TSPAN7: variants seen among roughly 807,000 people sequenced by gnomAD.
TSPAN7 encodes the protein tetraspanin-7.
In TSPAN7, 1 loss-of-function variant was observed where a neutral mutation model predicts 17.6. The observed-to-expected ratio is 0.06, with a 90% confidence interval of 0.02 to 0.27. TSPAN7 has a LOEUF of 0.27. Among genes scored for constraint, TSPAN7 ranks in the 10% least tolerant of loss-of-function variants. TSPAN7 has a pLI of 1.00. For synonymous variants in TSPAN7, 78 were observed against 79.0 expected (o/e 0.99, Z 0.07); for missense variants, 112 against 201.7 (o/e 0.56, Z 2.69).
chrX:38,643,665 T>C (rs2069627497), intron 1 of TSPAN7, among the ~76,000 whole-genome samples: 1 of 79,041 alleles, frequency 1.3e-5, no homozygotes, highest in African/African-American at 5.1e-5. Flanking sequence ...TGAAACCCCG[T>C]CTCTACCAAA....
chrX:38,565,925 G>A (rs2069140897), intron 1 of TSPAN7, among the ~76,000 whole-genome samples: 1 of 111,286 alleles, frequency 9.0e-6, no homozygotes, highest in African/African-American at 3.3e-5. Context: ...CCTTTCGTGG[G>A]TAGAGGCCAC....
chrX:38,570,415 A>G (rs1215120773), intron 1 of TSPAN7, among the ~76,000 whole-genome samples: 1 of 111,894 alleles, frequency 8.9e-6, no homozygotes, highest in Non-Finnish European at 1.9e-5. Context: ...CGTTGCTTAG[A>G]AATTAGCTGA....
At chrX:38,562,948 T>A (rs1425762029) in intron 1 of TSPAN7, 1 of 954,496 alleles carries the variant, frequency 1.0e-6, no homozygotes, top group Non-Finnish European at 1.3e-6. Flanking sequence ...CCCACCACCA[T>A]ATATTAGCCC....
intron 6 of TSPAN7, among the ~76,000 whole-genome samples, chrX:38,685,076 T>C (rs1409668841): frequency 8.9e-6 from 1 of 111,858 alleles, no homozygotes; most frequent in Non-Finnish European, 1.9e-5. Context: ...CTCCAGGGTC[T>C]AAATGCTGCT....
chrX:38,563,137 AAGGTATGGACTCCCC>A, intron 1 of TSPAN7: 1 of 965,888 alleles, frequency 1.0e-6, no homozygotes. Context: ...CAAGTCAGGG[AAGGTATGGACTCCCC>A]AGACCACACA....
At chrX:38,563,396 G>A (rs913214590) in intron 1 of TSPAN7, among the ~76,000 whole-genome samples, 15 of 111,526 alleles carry the variant, frequency 1.3e-4, no homozygotes, top group African/African-American at 4.9e-4. Context: ...AGCTTTTTAT[G>A]TGTTTCCTTA....
At chrX:38,657,900 A>T (rs2069713636) in intron 1 of TSPAN7, among the ~76,000 whole-genome samples, 1 of 112,040 alleles carries the variant, frequency 8.9e-6, no homozygotes, top group Non-Finnish European at 1.9e-5. Context: ...TATTTTCAAA[A>T]GCATCTGTGA....
intron 1 of TSPAN7, among the ~76,000 whole-genome samples, chrX:38,664,428 C>T (rs1053322448): frequency 1.8e-5 from 2 of 111,199 alleles, no homozygotes; most frequent in Admixed American, 9.6e-5. Context: ...TTTATGTTTC[C>T]GTGTTGGGGA....
In TSPAN7 at chrX:38,590,207, C is replaced by T. The variant is rs768121855; in HGVS notation, c.81+28580C>T. 4.2e-4 allele frequency among the ~76,000 whole-genome samples: 47 copies of T among 112,059 alleles called. 1 individual carries two copies. The Admixed American group carries it at 4.3e-3, about 10-fold the overall frequency. Reference sequence around the variant, plus strand: ...GCAGCCCTGACCTCCTAGGCTCAGGCAGTCCTTCCACCTCAGCCTCCTGAC... The same window carrying T: ...GCAGCCCTGACCTCCTAGGCTCAGGTAGTCCTTCCACCTCAGCCTCCTGAC... On this transcript the variant is annotated intron_variant, in intron 1 of 7. Transcript: ENST00000378482.
In TSPAN7 at chrX:38,617,382, G is replaced by C. The variant is rs772088735; in HGVS notation, c.82-48739G>C. The stretch of plus-strand genomic sequence containing the variant: ...AAGCACAAATTTATATTGAGTAAAG[G>C]AATAGAATTGCAAATGGAAGCAAAA... On this transcript the variant is annotated intron_variant, in intron 1 of 7. Coordinates refer to ENST00000378482, the MANE Select transcript of TSPAN7 (RefSeq NM_004615.4). 9.5e-4 allele frequency among the ~76,000 whole-genome samples: 107 copies of C among 112,858 alleles called. 1 individual carries two copies. The highest frequency in any genetic ancestry group is 1.6e-3 in the Admixed American group (17 of 10,770).
At chrX:38,606,774 G>T (rs1015002426) in intron 1 of TSPAN7, among the ~76,000 whole-genome samples, 23 of 112,025 alleles carry the variant, frequency 2.1e-4, no homozygotes, top group South Asian at 7.4e-4. Flanking sequence ...TAAATGATTA[G>T]ATTTTTTATA....
At chrX:38,581,153 G>A (rs2069225065) in intron 1 of TSPAN7, among the ~76,000 whole-genome samples, 1 of 112,586 alleles carries the variant, frequency 8.9e-6, no homozygotes, top group South Asian at 3.7e-4. Flanking sequence ...AGTGGATGCT[G>A]GAGATGGTCC....
chrX:38,577,722 G>A (rs2069203408), intron 1 of TSPAN7, among the ~76,000 whole-genome samples: 1 of 105,629 alleles, frequency 9.5e-6, no homozygotes, highest in Non-Finnish European at 2.0e-5. Context: ...TAAATGATGA[G>A]TTAATGGGTG....
At chrX:38,625,053 A>T (rs2069514147) in intron 1 of TSPAN7, among the ~76,000 whole-genome samples, 1 of 112,042 alleles carries the variant, frequency 8.9e-6, no homozygotes, top group African/African-American at 3.2e-5. Context: ...AAGATGAAAA[A>T]TAGTTCCCCC....
At chrX:38,591,977 G>T (rs958633203) in intron 1 of TSPAN7, among the ~76,000 whole-genome samples, 1 of 111,814 alleles carries the variant, frequency 8.9e-6, no homozygotes, top group African/African-American at 3.3e-5. Flanking sequence ...AGCATGGCTG[G>T]CGGAGGCCTC....
At chrX:38,671,316 A>G (rs771771457) in intron 2 of TSPAN7, 60 bp from the exon 3 acceptor site, 5 of 1,122,805 alleles carry the variant, frequency 4.5e-6, no homozygotes, top group Non-Finnish European at 4.9e-6. Flanking sequence ...ACCTACCCTG[A>G]AGAAGCCCTC....
At chrX:38,588,467 G>A (rs763688193) in intron 1 of TSPAN7, among the ~76,000 whole-genome samples, 9 of 111,667 alleles carry the variant, frequency 8.1e-5, no homozygotes, top group Middle Eastern at 4.6e-3. Flanking sequence ...CTGTGAAAAG[G>A]AAGAAAGAAT....
Position 38,663,878 on chromosome X carries a change from A to G in TSPAN7, c.82-2243A>G, listed in dbSNP as rs185065889. Among the ~76,000 whole-genome samples the G allele has an allele frequency of 2.7e-5, 3 of 112,626 alleles. No individual in the cohort carries two copies. In the East Asian group the frequency reaches 8.3e-4, roughly 31 times the overall value. On this transcript the variant is annotated intron_variant, in intron 1 of 7. Transcript: ENST00000378482. ...TAGCAGTATACATTTTCATTAAAGC[A>G]ATCACATTCCAATAAGGACCAGCAA...
At chrX:38,610,859 A>G (rs1370487409) in intron 1 of TSPAN7, among the ~76,000 whole-genome samples, 1 of 112,497 alleles carries the variant, frequency 8.9e-6, no homozygotes, top group African/African-American at 3.2e-5. Context: ...AAGTCAAGGT[A>G]TAAATCCATT....
Sources: allele counts gnomAD v4.1 joint callset (sites outside exome capture counted in the v4.1 genomes callset), GRCh38; gene constraint gnomAD v4.1.1; transcripts MANE v1.5; gene names NCBI Gene and HGNC (gene_info 2026-07-23, HGNC 2026-07-21).